Variants in PDS5A observed in about 807,000 individuals in gnomAD.
PDS5A encodes the protein PDS5 cohesin associated factor A.
PDS5A carries 42 observed loss-of-function variants against 167.1 expected under a neutral mutation model. That is an observed-to-expected ratio of 0.25 (90% CI 0.20 to 0.33). The LOEUF is 0.33. PDS5A is among the 10% of genes least tolerant of loss of function. The pLI, the probability that PDS5A is intolerant of heterozygous loss-of-function variation, is 1.00. For synonymous variants in PDS5A, 553 were observed against 554.6 expected, an observed-to-expected ratio of 1.00 and a Z score of 0.04; for missense variants, 1,033 against 1,605.9, an observed-to-expected ratio of 0.64 and a Z score of 6.10.
chr4:39,906,917 TA>T (rs1191690836), intron 11 of PDS5A, among the ~76,000 whole-genome samples: 1,346 of 54,006 alleles, frequency 0.025, 30 homozygotes, highest in African/African-American at 0.06. Flanking sequence ...ATTTCTTACA[TA>T]AAAAAAAAAA....
chr4:39,861,762 CG>C (rs1388746915), intron 26 of PDS5A, among the ~76,000 whole-genome samples: 1 of 152,016 alleles, frequency 6.6e-6, no homozygotes, highest in Non-Finnish European at 1.5e-5. Context: ...CAAAATATTA[CG>C]TGTACCTCAT....
Position 39,874,429 on chromosome 4 carries a change from AGTT to A in PDS5A, c.2154-20_2154-18del, listed in dbSNP as rs1720299448. The A allele has an allele frequency of 3.7e-6, 6 of 1,606,042 alleles. No homozygotes were observed. The highest frequency in any genetic ancestry group is 2.2e-5 in the South Asian group (2 of 90,524). On this transcript the variant is annotated intron_variant, in intron 19 of 32. Transcript: ENST00000303538. ...ATTAAGGTCCTGCAAAAAATAATAT[AGTT>A]GTTTTTTTTTCTTAAACCCATAAAC...
chr4:39,826,217 TAGGG>T (rs1036681198), intron 32 of PDS5A, among the ~76,000 whole-genome samples: 28 of 150,006 alleles, frequency 1.9e-4, no homozygotes, highest in African/African-American at 6.9e-4. Context: ...ATTTCCCTAA[TAGGG>T]AGGGAAATTC....
rs1189901854 is a variant in PDS5A at position 39,824,688 on chromosome 4, A to G, written c.*797T>C. ...ATTCCAAATATTCCAACATAATCAC[A>G]GGAGTAAAAACCATTTTAAAGTGAT... is the stretch of plus-strand genomic sequence containing the variant. On this transcript the variant is annotated 3_prime_UTR_variant, in exon 33 of 33. Coordinates refer to ENST00000303538, the MANE Select transcript of PDS5A (RefSeq NM_001100399.2). 6.6e-6 allele frequency: 1 copy of G among 152,670 alleles called. No homozygotes were observed. Among genetic ancestry groups the G allele is most frequent in the Non-Finnish European group, 1.5e-5 (1 of 68,042 alleles). The allele number at this position is 152,670 out of a possible 1,614,324, so 9.5% of individuals were successfully genotyped here.
At chr4:39,889,878 C>G (rs1721813938) in intron 17 of PDS5A, among the ~76,000 whole-genome samples, 1 of 152,176 alleles carries the variant, frequency 6.6e-6, no homozygotes, top group South Asian at 2.1e-4. Context: ...ATCAAATGAA[C>G]AGTGGTATAA....
chr4:39,833,141 A>G (rs1262769792), intron 32 of PDS5A, among the ~76,000 whole-genome samples: 2 of 130,284 alleles, frequency 1.5e-5, no homozygotes, highest in Non-Finnish European at 3.2e-5. Context: ...CAGTGAGCTG[A>G]GATCGTGTCG....
chr4:39,973,947 A>G (rs113450551), intron 2 of PDS5A: 13 of 540,414 alleles, frequency 2.4e-5, no homozygotes, highest in African/African-American at 1.3e-4. Flanking sequence ...AACACGGTGA[A>G]ACCCGTCTCT....
At position 39,873,022 on chromosome 4, in the gene PDS5A, T is replaced by C; in HGVS notation, c.2400A>G (p.Ala800=). Residue 800 remains alanine, a synonymous_variant, in exon 21 of 33, where the codon GCA becomes GCG. Transcript: ENST00000303538. ...QFASPMKSVV[A]NFIVKDLLMN... is the part of the protein sequence containing the mutation. Reference sequence around the variant, plus strand: ...TTAGCAGATCTTTCACAATAAAATTTGCTACTACAGATTTCATTGGGGAAG... The same window carrying C: ...TTAGCAGATCTTTCACAATAAAATTCGCTACTACAGATTTCATTGGGGAAG... 1 of 1,523,580 alleles carries C rather than the reference T, an allele frequency of 6.6e-7. No homozygotes were observed. The highest frequency in any genetic ancestry group is 1.4e-5 in the African/African-American group (1 of 73,930). The allele number at this position is 1,523,580 out of a possible 1,614,324, so 94.4% of individuals were successfully genotyped here.
intron 30 of PDS5A, 137 bp downstream of exon 30, chr4:39,844,519 T>C: frequency 1.8e-6 from 1 of 568,482 alleles, no homozygotes; most frequent in Non-Finnish European, 2.9e-6. Flanking sequence ...GAAAAGAAAA[T>C]ACTAAAATTC....
rs372230505 is a variant in PDS5A, at chr4:39,931,891, C to CTT, written c.139-3729_139-3728dup. 2.1e-3 allele frequency among the ~76,000 whole-genome samples: 286 copies of CTT among 136,112 alleles called. 3 individuals carry two copies. Among genetic ancestry groups the CTT allele is most frequent in the South Asian group, 0.012 (49 of 4,216 alleles). The allele number at this position is 136,112 out of a possible 152,430, so 89.3% of individuals were successfully genotyped here. A position where few individuals can be genotyped will look rare whatever the true frequency, so the allele number is the denominator to read the frequency against. On this transcript the variant is annotated intron_variant, in intron 2 of 32. Transcript: ENST00000303538. ...AATGACTCTGGATTTGGTCAGGTGA[C>CTT]TTTTTTTTTTTTTTTTTTAAGACAG...
At chr4:39,916,841 G>C (rs982402904) in intron 8 of PDS5A, among the ~76,000 whole-genome samples, 3 of 151,460 alleles carry the variant, frequency 2.0e-5, no homozygotes, top group Non-Finnish European at 4.4e-5. Context: ...ACTCCAGCCT[G>C]AGCAATAACA....
intron 20 of PDS5A, among the ~76,000 whole-genome samples, 171 bp from the exon 21 acceptor site, chr4:39,873,315 C>T (rs527374717): frequency 3.9e-5 from 6 of 152,020 alleles, no homozygotes; most frequent in African/African-American, 1.4e-4. Context: ...TCTTAATTCA[C>T]CTACTAAAAT....
chr4:39,897,159 C>T (rs371876343), intron 16 of PDS5A, among the ~76,000 whole-genome samples: 1 of 151,920 alleles, frequency 6.6e-6, no homozygotes. Context: ...TTTGGGAGGC[C>T]GAGGTGGGTG....
In PDS5A at chr4:39,898,371, G is replaced by A; in HGVS notation, c.1770+18C>T. 6.5e-7 allele frequency: 1 copy of A among 1,529,238 alleles called. No individual in the cohort carries two copies. The highest frequency in any genetic ancestry group is 1.3e-5 in the South Asian group (1 of 77,586). The allele number at this position is 1,529,238 out of a possible 1,614,324, so 94.7% of individuals were successfully genotyped here. A position where few individuals can be genotyped will look rare whatever the true frequency, so the allele number is the denominator to read the frequency against. On this transcript the variant is annotated intron_variant, in intron 16 of 32. Coordinates refer to ENST00000303538, the MANE Select transcript of PDS5A (RefSeq NM_001100399.2). The stretch of plus-strand genomic sequence containing the variant: ...GTAAGTAAAGCTAGAGAAAAAGTGT[G>A]AAGTATGATTTACTAACCACACAAA...
chr4:39,915,258 T>C (rs1724257477), intron 8 of PDS5A, among the ~76,000 whole-genome samples: 1 of 151,872 alleles, frequency 6.6e-6, no homozygotes, highest in South Asian at 2.1e-4. Flanking sequence ...AGGTTGGTCT[T>C]GAACTCCTGG....
rs778886603 is a variant in PDS5A at position 39,824,955 on chromosome 4, T to C, written c.*530A>G. On this transcript the variant is annotated 3_prime_UTR_variant, in exon 33 of 33. Transcript: ENST00000303538. ...GTAGGCAGGCAGAAAGAATTATACATAAAAGTTTCCAAAAGGAAAAACAAA... is the reference window on the plus strand; with the variant it reads ...GTAGGCAGGCAGAAAGAATTATACACAAAAGTTTCCAAAAGGAAAAACAAA... The C allele has an allele frequency of 2.7e-4, 41 of 152,780 alleles. No individual in the cohort carries two copies. The highest frequency in any genetic ancestry group is 2.1e-3 in the South Asian group (10 of 4,832). 9.5% of individuals were successfully genotyped at this position (152,780 alleles called of 1,614,324 possible). A position where few individuals can be genotyped will look rare whatever the true frequency, so the allele number is the denominator to read the frequency against.
chr4:39,916,850 C>G (rs1421215685), intron 8 of PDS5A, among the ~76,000 whole-genome samples, 198 bp downstream of exon 8: 3 of 151,502 alleles, frequency 2.0e-5, no homozygotes, highest in African/African-American at 7.3e-5. Context: ...TGAGCAATAA[C>G]AGCAAAACTC....
chr4:39,922,272 T>C (rs1725054256), intron 6 of PDS5A, among the ~76,000 whole-genome samples: 1 of 152,258 alleles, frequency 6.6e-6, no homozygotes, highest in African/African-American at 2.4e-5. Context: ...CAAACTCCTA[T>C]GTTTCACATC....
At chr4:39,838,417 A>G (rs1716634335) in intron 31 of PDS5A, among the ~76,000 whole-genome samples, 1 of 152,238 alleles carries the variant, frequency 6.6e-6, no homozygotes, top group African/African-American at 2.4e-5. Context: ...AATGTGCTCA[A>G]TAAATGCTCA....
Sources: gnomAD v4.1 joint callset for allele counts (sites outside exome capture counted in the v4.1 genomes callset) on GRCh38, gnomAD v4.1.1 for gene constraint, MANE v1.5 for transcripts, NCBI Gene and HGNC (gene_info 2026-07-23, HGNC 2026-07-21) for gene names.